Variants in LINGO2 observed in about 807,000 individuals in gnomAD.
LINGO2 encodes leucine rich repeat and Ig domain containing 2, also known as leucine-rich repeat and immunoglobulin-like domain-containing nogo receptor-interacting protein 2.
A neutral mutation model predicts 30.6 loss-of-function variants in LINGO2; 14 were observed. The observed-to-expected ratio is 0.46, with a 90% CI of 0.30 to 0.72. The LOEUF (loss-of-function observed/expected upper bound fraction) is 0.72, where lower values mean the gene tolerates loss of function less well. Among genes scored for constraint, LINGO2 ranks in the 30% least tolerant of loss-of-function variants. The pLI is 0.07. For synonymous variants in LINGO2, 317 were observed against 288.5 expected, an observed-to-expected ratio of 1.10 and a Z score of -1.00; for missense variants, 729 against 751.7, an observed-to-expected ratio of 0.97 and a Z score of 0.35.
At chr9:28,061,570 AAAGT>A (rs1825145704) in intron 4 of LINGO2, among the ~76,000 whole-genome samples, 1 of 152,096 alleles carries the variant, frequency 6.6e-6, no homozygotes, top group African/African-American at 2.4e-5. Flanking sequence ...AAAAATAAAA[AAAGT>A]AAATGAAATA....
chr9:28,246,591 G>T (rs549478323), intron 4 of LINGO2, among the ~76,000 whole-genome samples: 3 of 152,002 alleles, frequency 2.0e-5, no homozygotes, highest in South Asian at 2.1e-4. Context: ...ACACCTTATA[G>T]AAAAATTAAC....
intron 1 of LINGO2, among the ~76,000 whole-genome samples, chr9:28,560,197 C>T (rs1003888466): frequency 1.3e-5 from 2 of 152,036 alleles, no homozygotes; most frequent in Admixed American, 1.3e-4. Flanking sequence ...TATAGCTGGC[C>T]CACATTGCCC....
At chr9:28,804,245 T>A in the LINGO2 span, among the ~76,000 whole-genome samples, 1 of 152,110 alleles carries the variant, frequency 6.6e-6, no homozygotes. Flanking sequence ...TTATATACAG[T>A]TACATATGCA....
chr9:28,005,165 C>T (rs1212636099), intron 5 of LINGO2, among the ~76,000 whole-genome samples: 4 of 152,182 alleles, frequency 2.6e-5, no homozygotes, highest in African/African-American at 4.8e-5. Context: ...AAACTTTCTA[C>T]TTCCTGCACG....
At chr9:28,461,216 G>A (rs1825066828) in intron 2 of LINGO2, among the ~76,000 whole-genome samples, 1 of 152,032 alleles carries the variant, frequency 6.6e-6, no homozygotes, top group African/African-American at 2.4e-5. Context: ...TTCCGGATGG[G>A]CTTTTTGAAA....
intron 4 of LINGO2, among the ~76,000 whole-genome samples, chr9:28,087,614 A>G (rs116907481): frequency 1.9e-4 from 29 of 152,078 alleles, no homozygotes; most frequent in Non-Finnish European, 4.0e-4. Context: ...ATAGATCCCT[A>G]TGTGTGGTGT....
chr9:29,075,914 G>A, the LINGO2 span, among the ~76,000 whole-genome samples: 3 of 151,916 alleles, frequency 2.0e-5, no homozygotes, highest in Non-Finnish European at 2.9e-5. Flanking sequence ...TTGGACATAC[G>A]GTCTGACTGT....
chr9:29,209,875 T>C, the LINGO2 span, among the ~76,000 whole-genome samples: 3 of 152,072 alleles, frequency 2.0e-5, no homozygotes, highest in Non-Finnish European at 2.9e-5. Context: ...TCTAACATGC[T>C]TCCTTAAGGA....
the LINGO2 span, among the ~76,000 whole-genome samples, chr9:29,087,597 G>A: frequency 3.9e-5 from 6 of 151,988 alleles, no homozygotes; most frequent in African/African-American, 1.2e-4. Context: ...GGACTCTCTC[G>A]CTCATAGACC....
chr9:28,345,647 G>T (rs2134411244), intron 3 of LINGO2, among the ~76,000 whole-genome samples: 1 of 152,258 alleles, frequency 6.6e-6, no homozygotes, highest in East Asian at 1.9e-4. Context: ...AGTTTTAAAT[G>T]AATTTTAGAT....
At chr9:28,892,732 C>G in the LINGO2 span, among the ~76,000 whole-genome samples, 1 of 151,926 alleles carries the variant, frequency 6.6e-6, no homozygotes, top group African/African-American at 2.4e-5. Flanking sequence ...ACTCAAGTTT[C>G]TATTCTGAGT....
the LINGO2 span, among the ~76,000 whole-genome samples, chr9:28,995,257 A>C: frequency 5.6e-4 from 85 of 152,340 alleles, no homozygotes; most frequent in African/African-American, 2.0e-3. Context: ...CTGCCAAAAA[A>C]CACATGAAAA....
At chr9:29,151,294 C>T in the LINGO2 span, among the ~76,000 whole-genome samples, 1 of 152,044 alleles carries the variant, frequency 6.6e-6, no homozygotes, top group Non-Finnish European at 1.5e-5. Context: ...TAACTGCTCC[C>T]ACAAAACACA....
At chr9:28,072,055 T>A (rs546734062) in intron 4 of LINGO2, among the ~76,000 whole-genome samples, 2 of 152,150 alleles carry the variant, frequency 1.3e-5, no homozygotes, top group African/African-American at 4.8e-5. Context: ...TCCTTCTACA[T>A]ATCAGTATTT....
At chr9:28,824,221 C>G in the LINGO2 span, among the ~76,000 whole-genome samples, 3 of 152,062 alleles carry the variant, frequency 2.0e-5, no homozygotes. Context: ...GAACTTAAGG[C>G]AAAACTCTAG....
rs547663020 is a variant in LINGO2, at chr9:28,632,665, A to G, written c.-365+37535T>C. On this transcript the variant is annotated intron_variant, in intron 1 of 5. Coordinates refer to ENST00000379992, the Ensembl canonical transcript of LINGO2. ...ATATTTACATAGATATTTTATCTAT[A>G]TAAAATATCTATATAAAAATATATT... Among the ~76,000 whole-genome samples the G allele has an allele frequency of 1.7e-4, 20 of 115,204 alleles. No homozygotes were observed. The East Asian group carries it at 5.5e-3, about 32-fold the overall frequency. 75.6% of individuals were successfully genotyped at this position (115,204 alleles called of 152,430 possible). A position where few individuals can be genotyped will look rare whatever the true frequency, so the allele number is the denominator to read the frequency against.
chr9:28,100,802 C>G (rs537390536), intron 4 of LINGO2, among the ~76,000 whole-genome samples: 15 of 152,280 alleles, frequency 9.9e-5, no homozygotes, highest in African/African-American at 3.6e-4. Flanking sequence ...CCTTCAATGT[C>G]TGACTTATTA....
At chr9:28,568,143 A>C (rs1458315644) in intron 1 of LINGO2, among the ~76,000 whole-genome samples, 2 of 152,154 alleles carry the variant, frequency 1.3e-5, no homozygotes, top group Non-Finnish European at 2.9e-5. Context: ...CATGGATGAC[A>C]GTACCTTTGT....
intron 5 of LINGO2, among the ~76,000 whole-genome samples, chr9:27,964,648 A>C (rs914135721): frequency 9.9e-5 from 15 of 152,120 alleles, no homozygotes; most frequent in Admixed American, 9.8e-4. Flanking sequence ...AAGAGGATCA[A>C]GAAAATTGTT....
Sources: gnomAD v4.1 joint callset for allele counts (sites outside exome capture counted in the v4.1 genomes callset) on GRCh38, gnomAD v4.1.1 for gene constraint, MANE v1.5 for transcripts, NCBI Gene and HGNC (gene_info 2026-07-23, HGNC 2026-07-21) for gene names.